Variants in PKHD1 observed in about 807,000 individuals in gnomAD.
PKHD1 encodes PKHD1 ciliary IPT domain containing fibrocystin/polyductin.
PKHD1 carries 291 observed loss-of-function variants against 412.0 expected under a neutral mutation model. The ratio of observed to expected loss-of-function variants is 0.71; its 90% CI spans 0.64 to 0.78. The LOEUF is 0.78. PKHD1 is among the 30% of genes least tolerant of loss of function. The pLI, the probability that PKHD1 is intolerant of heterozygous loss-of-function variation, is 0.00. For missense variants in PKHD1, 4,825 were observed against 4,950.7 expected (o/e 0.97, Z 0.76); for synonymous variants, 1,777 against 1,821.5 (o/e 0.98, Z 0.62).
At chr6:51,986,437 C>G (rs993834721) in intron 35 of PKHD1, among the ~76,000 whole-genome samples, 1 of 152,190 alleles carries the variant, frequency 6.6e-6, no homozygotes, top group African/African-American at 2.4e-5. Context: ...GGGCTACTGA[C>G]AGCATCCAGA....
At chr6:51,981,597 A>G (rs1795312518) in intron 35 of PKHD1, among the ~76,000 whole-genome samples, 1 of 121,936 alleles carries the variant, frequency 8.2e-6, no homozygotes, top group African/African-American at 2.5e-5. Context: ...GGGATTGCGG[A>G]CGGAGTCTCG....
At position 52,079,885 on chromosome 6, in the gene PKHD1, A is replaced by G; in HGVS notation, c.390+15T>C. 7.0e-7 allele frequency: 1 copy of G among 1,418,996 alleles called. No homozygotes were observed. The highest frequency in any genetic ancestry group is 1.0e-6 in the Non-Finnish European group (1 of 1,002,230). 87.9% of individuals were successfully genotyped at this position (1,418,996 alleles called of 1,614,324 possible). On this transcript the variant is annotated intron_variant, in intron 5 of 66. Coordinates refer to ENST00000371117, the MANE Select transcript of PKHD1 (RefSeq NM_138694.4). ...AGACTATGTAAACATACCTTCCTCC[A>G]GCCTTAGAACCCACCTTGAAAGTAC...
At chr6:51,921,038 G>C (rs965148138) in intron 37 of PKHD1, among the ~76,000 whole-genome samples, 1 of 151,874 alleles carries the variant, frequency 6.6e-6, no homozygotes, top group Non-Finnish European at 1.5e-5. Context: ...TCTTGCTAGT[G>C]GTCTATCAAT....
chr6:51,835,094 G>A (rs943349559), intron 51 of PKHD1, among the ~76,000 whole-genome samples: 6 of 152,170 alleles, frequency 3.9e-5, no homozygotes, highest in African/African-American at 9.7e-5. Flanking sequence ...AGTTGTAATT[G>A]ACAGTTGTAA....
intron 60 of PKHD1, among the ~76,000 whole-genome samples, chr6:51,688,559 TAATAAA>T (rs973277270): frequency 7.2e-5 from 11 of 151,774 alleles, no homozygotes; most frequent in African/African-American, 2.7e-4. Flanking sequence ...ATTCTTTTTT[TAATAAA>T]AATAAATAAT....
At chr6:51,721,275 T>A in intron 60 of PKHD1, 1 of 939,554 alleles carries the variant, frequency 1.1e-6, no homozygotes, top group Non-Finnish European at 1.3e-6. Context: ...GGTAATAAAC[T>A]TACATTTATG....
chr6:51,780,397 A>T (rs1010083063), intron 53 of PKHD1, among the ~76,000 whole-genome samples: 39 of 152,098 alleles, frequency 2.6e-4, no homozygotes, highest in African/African-American at 8.9e-4. Flanking sequence ...AAAGAAAAAA[A>T]AAAAAGAAAG....
intron 52 of PKHD1, among the ~76,000 whole-genome samples, chr6:51,830,336 A>T (rs1341259748): frequency 6.6e-6 from 1 of 152,186 alleles, no homozygotes; most frequent in East Asian, 1.9e-4. Flanking sequence ...GTATACTGGA[A>T]GATAGGTCTA....
chr6:51,949,080 C>G (rs1460542745), intron 36 of PKHD1, among the ~76,000 whole-genome samples: 1 of 152,116 alleles, frequency 6.6e-6, no homozygotes, highest in East Asian at 1.9e-4. Flanking sequence ...AGGGAGGGAT[C>G]TGAGAACCCC....
At chr6:51,643,612 G>C (rs1429082273) in intron 63 of PKHD1, among the ~76,000 whole-genome samples, 2 of 152,120 alleles carry the variant, frequency 1.3e-5, no homozygotes, top group Non-Finnish European at 2.9e-5. Context: ...TCAAAGTTTG[G>C]TAGAAAATTA....
At chr6:51,687,864 A>T (rs1486605608) in intron 60 of PKHD1, among the ~76,000 whole-genome samples, 7 of 152,134 alleles carry the variant, frequency 4.6e-5, no homozygotes, top group Admixed American at 3.9e-4. Context: ...CTCCAAAGAG[A>T]TCCTAAAATT....
intron 53 of PKHD1, among the ~76,000 whole-genome samples, chr6:51,780,518 A>C (rs1329630195): frequency 6.6e-6 from 1 of 152,086 alleles, no homozygotes; most frequent in Non-Finnish European, 1.5e-5. Flanking sequence ...AAACAGGTAC[A>C]TTCATCATTA....
At chr6:51,893,936 C>G (rs774564816) in intron 43 of PKHD1, among the ~76,000 whole-genome samples, 2 of 152,170 alleles carry the variant, frequency 1.3e-5, no homozygotes, top group Non-Finnish European at 2.9e-5. Flanking sequence ...AGTTTTTCCA[C>G]GGACTATCCT....
At chr6:51,903,500 T>C (rs997927219) in intron 43 of PKHD1, 97 bp downstream of exon 43, 2 of 981,984 alleles carry the variant, frequency 2.0e-6, no homozygotes, top group East Asian at 2.5e-5. Flanking sequence ...ATTCTTCCAA[T>C]GTGGCCCAGG....
chr6:52,062,537 T>A lies in PKHD1; in HGVS notation c.1100A>T (p.Gln367Leu). 1 of 1,614,140 alleles carries A rather than the reference T, an allele frequency of 6.2e-7. No homozygotes were observed. The highest frequency in any genetic ancestry group is 8.5e-7 in the Non-Finnish European group (1 of 1,179,962). Residue 367 changes from glutamine to leucine, a missense_variant, in exon 14 of 67, where the codon CAG becomes CTG. Gln to Leu is a moderately radical substitution (Grantham distance 113). Transcript: ENST00000371117. ...AACATACCTGAAAGGTTGTCCTTCC[T>A]GTGACCAAAACCCAAATGGAGAACT... ...NASSPFGFWSQEGQPFRARLS... is the reference protein window; with the variant it reads ...NASSPFGFWSLEGQPFRARLS...
chr6:52,084,601 C>A (rs1259282927), intron 2 of PKHD1, among the ~76,000 whole-genome samples: 1 of 152,132 alleles, frequency 6.6e-6, no homozygotes, highest in Non-Finnish European at 1.5e-5. Context: ...TCTTCACTGA[C>A]CATTAAAAAT....
chr6:51,767,907 G>A (rs1789395217), intron 55 of PKHD1, among the ~76,000 whole-genome samples: 1 of 152,050 alleles, frequency 6.6e-6, no homozygotes. Context: ...CTTCCACAAT[G>A]GTTGAACTAG....
intron 1 of PKHD1, among the ~76,000 whole-genome samples, chr6:52,085,294 A>G (rs1437635825): frequency 6.6e-6 from 1 of 152,230 alleles, no homozygotes; most frequent in Non-Finnish European, 1.5e-5. Flanking sequence ...GCTGAGTTTT[A>G]AAAAGAATTC....
rs114042978 is a variant in PKHD1 at position 52,009,015 on chromosome 6, G to C, written c.5751+1294C>G. 3.3e-3 allele frequency among the ~76,000 whole-genome samples: 510 copies of C among 152,314 alleles called. 8 individuals are homozygous for C. Among genetic ancestry groups the C allele is most frequent in the African/African-American group, 0.012 (483 of 41,562 alleles). On this transcript the variant is annotated intron_variant, in intron 35 of 66. Coordinates refer to ENST00000371117, the MANE Select transcript of PKHD1 (RefSeq NM_138694.4). The stretch of plus-strand genomic sequence containing the variant: ...AAAGATCACCCAGTGTCACACAGCA[G>C]TCTCAGCGCACTACAATACACTTTT...
Sources: allele counts gnomAD v4.1 joint callset (sites outside exome capture counted in the v4.1 genomes callset), GRCh38; gene constraint gnomAD v4.1.1; transcripts MANE v1.5; gene names NCBI Gene and HGNC (gene_info 2026-07-23, HGNC 2026-07-21).